The following PABPC4L variants were observed in gnomAD, a reference collection of about 807,000 sequenced individuals.
PABPC4L encodes polyadenylate-binding protein 4-like.
For synonymous variants in PABPC4L, 169 were observed against 164.1 expected (o/e 1.03, Z -0.23); for missense variants, 452 against 451.4 (o/e 1.00, Z -0.01).
At position 134,201,003 on chromosome 4, in the gene PABPC4L, T is replaced by C. The variant is rs373743585; in HGVS notation, c.17A>G (p.Lys6Arg). MNVAA[K>R]YRMASLYVGD... ...CACATACAGGGAGGCCATGCGGTAC[T>C]TGGCTGCTACATTCATCTCCTTGTC... is the stretch of plus-strand genomic sequence containing the variant. Residue 6 changes from lysine (K) to arginine (R), a missense_variant, in exon 2 of 2, where the codon AAG becomes AGG. Lys to Arg is a conservative substitution (Grantham distance 26, BLOSUM62 2). Coordinates refer to ENST00000421491, the MANE Select transcript of PABPC4L (RefSeq NM_001114734.2). The C allele has an allele frequency of 1.2e-5, 19 of 1,551,872 alleles. No individual in the cohort carries two copies. Among genetic ancestry groups the C allele is most frequent in the Middle Eastern group, 3.3e-4 (2 of 6,016 alleles).
the PABPC4L span, among the ~76,000 whole-genome samples, chr4:134,079,397 G>A: frequency 2.4e-5 from 3 of 125,986 alleles, no homozygotes; most frequent in Non-Finnish European, 3.3e-5. Context: ...TGGCTAATAC[G>A]GTGAAACCCC....
At chr4:133,991,297 C>T in the PABPC4L span, among the ~76,000 whole-genome samples, 1 of 152,204 alleles carries the variant, frequency 6.6e-6, no homozygotes, top group African/African-American at 2.4e-5. Context: ...TCTTAAGTTG[C>T]CTTACATCTG....
chr4:134,066,454 G>A, the PABPC4L span, among the ~76,000 whole-genome samples: 14 of 152,110 alleles, frequency 9.2e-5, no homozygotes, highest in African/African-American at 1.9e-4. Context: ...CAGACTATTC[G>A]GTGTTCCAGG....
chr4:134,073,783 C>T, the PABPC4L span, among the ~76,000 whole-genome samples: 1 of 152,188 alleles, frequency 6.6e-6, no homozygotes, highest in South Asian at 2.1e-4. Context: ...AACACGTAGG[C>T]TGCCAACACA....
the PABPC4L span, among the ~76,000 whole-genome samples, chr4:134,154,507 A>G: frequency 1.3e-5 from 2 of 152,092 alleles, no homozygotes; most frequent in Admixed American, 6.6e-5. Flanking sequence ...TGAATTTTAC[A>G]TATGATTTGC....
the PABPC4L span, among the ~76,000 whole-genome samples, chr4:134,085,184 C>T: frequency 1.3e-5 from 2 of 152,044 alleles, no homozygotes; most frequent in Non-Finnish European, 2.9e-5. Flanking sequence ...CTGTTTTAGG[C>T]TTGAAAGTGG....
At chr4:134,081,985 A>G in the PABPC4L span, among the ~76,000 whole-genome samples, 1 of 152,126 alleles carries the variant, frequency 6.6e-6, no homozygotes, top group Non-Finnish European at 1.5e-5. Context: ...GTCAGCTTGA[A>G]AGAAAATGTG....
chr4:134,138,392 T>C, the PABPC4L span, among the ~76,000 whole-genome samples: 8 of 151,826 alleles, frequency 5.3e-5, no homozygotes, highest in Admixed American at 4.6e-4. Flanking sequence ...GATATCTAAG[T>C]GTCATTTGCA....
At chr4:134,139,155 A>G in the PABPC4L span, among the ~76,000 whole-genome samples, 1 of 151,918 alleles carries the variant, frequency 6.6e-6, no homozygotes, top group Non-Finnish European at 1.5e-5. Flanking sequence ...TAACTGTCCA[A>G]TATTTAGTTA....
At chr4:134,188,713 G>A in the PABPC4L span, among the ~76,000 whole-genome samples, 67,665 of 151,528 alleles carry the variant, frequency 0.45, 17,385 homozygotes, top group East Asian at 0.98. Context: ...TTTTTCTTCT[G>A]ACTTTTTTCA....
At chr4:133,976,706 G>C in the PABPC4L span, among the ~76,000 whole-genome samples, 1 of 152,124 alleles carries the variant, frequency 6.6e-6, no homozygotes, top group Non-Finnish European at 1.5e-5. Context: ...TTTCTCTAAT[G>C]ATCAGTGATA....
the PABPC4L span, among the ~76,000 whole-genome samples, chr4:134,093,633 A>T: frequency 4.7e-5 from 7 of 148,216 alleles, no homozygotes; most frequent in African/African-American, 1.7e-4. Flanking sequence ...GTGCAGTGGC[A>T]CTTCATTTCT....
the PABPC4L span, among the ~76,000 whole-genome samples, chr4:134,073,467 C>T: frequency 5.3e-4 from 81 of 152,292 alleles, 1 homozygote; most frequent in Non-Finnish European, 8.8e-4. Context: ...GTTGCTTTCA[C>T]GGGCTGGTGT....
the PABPC4L span, among the ~76,000 whole-genome samples, chr4:134,057,241 C>A: frequency 6.6e-6 from 1 of 151,972 alleles, no homozygotes; most frequent in African/African-American, 2.4e-5. Context: ...GCCTCTGAGC[C>A]TTTTTGTTTA....
At chr4:134,060,874 AT>A in the PABPC4L span, among the ~76,000 whole-genome samples, 1 of 152,068 alleles carries the variant, frequency 6.6e-6, no homozygotes, top group Non-Finnish European at 1.5e-5. Context: ...TATTAAAACA[AT>A]TGAACTCATG....
the PABPC4L span, among the ~76,000 whole-genome samples, chr4:134,053,710 T>C: frequency 6.6e-6 from 1 of 152,102 alleles, no homozygotes; most frequent in African/African-American, 2.4e-5. Flanking sequence ...ACAGGTCTTA[T>C]GAGGACATTG....
At chr4:134,069,561 G>A in the PABPC4L span, among the ~76,000 whole-genome samples, 2 of 151,990 alleles carry the variant, frequency 1.3e-5, no homozygotes, top group South Asian at 2.1e-4. Flanking sequence ...TTATTTTGAA[G>A]AACTGGTCTT....
rs188887218 is a variant in PABPC4L, at chr4:134,201,185, C to T, written c.-166G>A. On this transcript the variant is annotated 5_prime_UTR_variant, in exon 2 of 2. Coordinates refer to ENST00000421491, the MANE Select transcript of PABPC4L (RefSeq NM_001114734.2). ...GACACGACTCCCCCAGCTCAGGCAA[C>T]ACCCTCATCCAAAAGTCCCCACAGC... 2.3e-5 allele frequency: 35 copies of T among 1,547,384 alleles called. No individual in the cohort carries two copies. In the East Asian group the frequency reaches 7.6e-4, roughly 34 times the overall value.
the PABPC4L span, among the ~76,000 whole-genome samples, chr4:134,042,825 G>T: frequency 1.3e-5 from 2 of 152,118 alleles, no homozygotes; most frequent in African/African-American, 4.8e-5. Flanking sequence ...GTGAGAAGGA[G>T]AGACAAAGTT....
Sources: gnomAD v4.1 joint callset for allele counts (sites outside exome capture counted in the v4.1 genomes callset) on GRCh38, gnomAD v4.1.1 for gene constraint, MANE v1.5 for transcripts, NCBI Gene and HGNC (gene_info 2026-07-23, HGNC 2026-07-21) for gene names.